Variants in RRAGB observed in about 807,000 individuals in gnomAD.
The protein encoded by RRAGB is Ras related GTP binding B.
RRAGB carries 6 observed loss-of-function variants against 29.3 expected under a neutral mutation model. The observed-to-expected ratio is 0.21, with a 90% CI of 0.11 to 0.40. The LOEUF (loss-of-function observed/expected upper bound fraction) is 0.40. Among genes scored for constraint, RRAGB ranks in the 10% least tolerant of loss-of-function variants. RRAGB has a pLI of 1.00. For synonymous variants in RRAGB, 101 were observed against 92.5 expected (o/e 1.09, Z -0.53); for missense variants, 184 against 272.9 (o/e 0.67, Z 2.29).
chrX:55,744,062 C>G (rs1343928530), intron 5 of RRAGB, among the ~76,000 whole-genome samples: 1 of 110,231 alleles, frequency 9.1e-6, no homozygotes, highest in Non-Finnish European at 1.9e-5. Flanking sequence ...GTGGGAAACT[C>G]CCCATAAGGC....
At chrX:55,719,828 T>C (rs1389061726) in intron 2 of RRAGB, among the ~76,000 whole-genome samples, 3 of 112,466 alleles carry the variant, frequency 2.7e-5, no homozygotes, top group African/African-American at 9.7e-5. Context: ...ACACCTTCCT[T>C]TGTGCTCTCA....
intron 5 of RRAGB, among the ~76,000 whole-genome samples, chrX:55,741,349 G>A (rs1389174583): frequency 2.7e-5 from 3 of 111,534 alleles, no homozygotes; most frequent in Non-Finnish European, 5.6e-5. Context: ...ACTGCTTTAC[G>A]ACCCATTTTG....
At chrX:55,756,930 G>C (rs1452433903) in intron 8 of RRAGB, among the ~76,000 whole-genome samples, 1 of 111,527 alleles carries the variant, frequency 9.0e-6, no homozygotes, top group African/African-American at 3.3e-5. Context: ...ACTCCAGCCT[G>C]GGTGACAGAG....
intron 5 of RRAGB, among the ~76,000 whole-genome samples, chrX:55,746,677 C>G (rs1308428500): frequency 8.9e-6 from 1 of 112,111 alleles, no homozygotes; most frequent in Non-Finnish European, 1.9e-5. Flanking sequence ...ATTACAATGT[C>G]CCTAAAGCCT....
intron 5 of RRAGB, among the ~76,000 whole-genome samples, chrX:55,749,262 G>A (rs2034418498): frequency 1.1e-5 from 1 of 93,368 alleles, no homozygotes; most frequent in Non-Finnish European, 2.2e-5. Flanking sequence ...CGCCCCTACT[G>A]GGAAGTGAGG....
Position 55,758,391 on chromosome X carries a change from A to G in RRAGB, c.*48A>G. The G allele has an allele frequency of 1.1e-6, 1 of 887,205 alleles. No individual in the cohort carries two copies. The highest frequency in any genetic ancestry group is 1.6e-6 in the Non-Finnish European group (1 of 619,129). 73.1% of individuals were successfully genotyped at this position (887,205 alleles called of 1,213,427 possible). On this transcript the variant is annotated 3_prime_UTR_variant, in exon 10 of 10. Transcript: ENST00000374941. ...ACAAAAATTAAAAGTTTCCTAATTA[A>G]TGTTGTATTCATATATGTAGGCTCT...
rs774847577 is a variant in RRAGB, at chrX:55,750,048, T to TA, written c.517-1023dup. On this transcript the variant is annotated intron_variant, in intron 5 of 9. Transcript: ENST00000374941. Reference sequence around the variant, plus strand: ...CGAGAAACACCCAAGAATGATCAATTAAAAAAAAAAAAAAAAAAAAAAAAA... The same window carrying TA: ...CGAGAAACACCCAAGAATGATCAATTAAAAAAAAAAAAAAAAAAAAAAAAAA... 7.7e-3 allele frequency among the ~76,000 whole-genome samples: 129 copies of TA among 16,770 alleles called. 10 individuals are homozygous for TA. The highest frequency in any genetic ancestry group is 0.018 in the African/African-American group (70 of 3,958). The allele number at this position is 16,770 out of a possible 115,157, so 14.6% of individuals were successfully genotyped here. A position where few individuals can be genotyped will look rare whatever the true frequency, so the allele number is the denominator to read the frequency against.
intron 5 of RRAGB, among the ~76,000 whole-genome samples, chrX:55,737,855 G>T (rs772115155): frequency 8.9e-6 from 1 of 112,845 alleles, no homozygotes; most frequent in African/African-American, 3.2e-5. Context: ...TCTCACAATG[G>T]GTGCACATCC....
chrX:55,731,086 G>A (rs898639266), intron 4 of RRAGB, among the ~76,000 whole-genome samples: 1 of 111,364 alleles, frequency 9.0e-6, no homozygotes. Flanking sequence ...AAGGAGAGGG[G>A]CAGAGAAATG....
rs188919354 is a variant in RRAGB at position 55,748,528 on chromosome X, T to A, written c.517-2573T>A. ...AGCGCCTCTGCCCCGCCACCCCGTC[T>A]GGGATGTGAGGAGCGCCTCTGCTGG... On this transcript the variant is annotated intron_variant, in intron 5 of 9. Coordinates refer to ENST00000374941, the MANE Select transcript of RRAGB (RefSeq NM_006064.5). 7.8e-4 allele frequency among the ~76,000 whole-genome samples: 87 copies of A among 110,963 alleles called. 1 individual carries two copies. In the East Asian group the frequency reaches 0.02, roughly 26 times the overall value.
At chrX:55,734,364 A>G (rs1158147371) in intron 5 of RRAGB, among the ~76,000 whole-genome samples, 7 of 107,590 alleles carry the variant, frequency 6.5e-5, no homozygotes, top group African/African-American at 2.4e-4. Flanking sequence ...GTGGTTGTAT[A>G]TTTCCAAGAA....
chrX:55,719,172 A>C, intron 1 of RRAGB, 142 bp from the exon 2 acceptor site: 1 of 475,403 alleles, frequency 2.1e-6, no homozygotes, highest in Non-Finnish European at 3.5e-6. Flanking sequence ...ACCTCTATTC[A>C]TCTGAGGTCC....
At chrX:55,741,218 A>T (rs752743639) in intron 5 of RRAGB, among the ~76,000 whole-genome samples, 2 of 110,985 alleles carry the variant, frequency 1.8e-5, no homozygotes, top group Admixed American at 1.9e-4. Flanking sequence ...ATGGCTAGCC[A>T]CTATGCTCTT....
intron 5 of RRAGB, among the ~76,000 whole-genome samples, chrX:55,749,592 A>G (rs1011182957): frequency 5.4e-5 from 6 of 111,080 alleles, no homozygotes; most frequent in African/African-American, 1.9e-4. Context: ...TGGAATAGAA[A>G]GGGGTGAAAG....
intron 5 of RRAGB, among the ~76,000 whole-genome samples, chrX:55,733,764 C>T (rs2033765326): frequency 9.0e-6 from 1 of 111,243 alleles, no homozygotes; most frequent in Admixed American, 9.5e-5. Flanking sequence ...TTGTAGCTTT[C>T]TTTTTTTATG....
At chrX:55,754,339 T>C (rs2033459600) in intron 7 of RRAGB, among the ~76,000 whole-genome samples, 1 of 112,991 alleles carries the variant, frequency 8.9e-6, no homozygotes, top group South Asian at 3.6e-4. Context: ...CTATTGTTTG[T>C]ATAACCCTGA....
At chrX:55,753,653 A>G (rs1469932492) in intron 7 of RRAGB, 139 bp downstream of exon 7, 3 of 563,467 alleles carry the variant, frequency 5.3e-6, no homozygotes, top group East Asian at 7.3e-5. Context: ...TATTTATAAA[A>G]TAGTATTGTC....
In RRAGB at chrX:55,758,446, T is replaced by A. The variant is rs752783254; in HGVS notation, c.*103T>A. 1 of 495,079 alleles carries A rather than the reference T, an allele frequency of 2.0e-6. No individual in the cohort carries two copies. Among genetic ancestry groups the A allele is most frequent in the African/African-American group, 2.4e-5 (1 of 42,126 alleles). The allele number at this position is 495,079 out of a possible 1,213,427, so 40.8% of individuals were successfully genotyped here. Reference sequence around the variant, plus strand: ...TGTTGTGATGCTTATTGCTTCTGTATTTCTTCTCTACTCCCTAGTCTTAAT... The same window carrying A: ...TGTTGTGATGCTTATTGCTTCTGTAATTCTTCTCTACTCCCTAGTCTTAAT... On this transcript the variant is annotated 3_prime_UTR_variant, in exon 10 of 10. Transcript: ENST00000374941.
chrX:55,733,458 A>G (rs1480462480), intron 5 of RRAGB, among the ~76,000 whole-genome samples: 5 of 104,847 alleles, frequency 4.8e-5, no homozygotes, highest in Non-Finnish European at 9.8e-5. Flanking sequence ...GGCTCTTACT[A>G]TTTTGAGGTA....
Sources: allele counts gnomAD v4.1 joint callset (sites outside exome capture counted in the v4.1 genomes callset), GRCh38; gene constraint gnomAD v4.1.1; transcripts MANE v1.5; gene names NCBI Gene and HGNC (gene_info 2026-07-23, HGNC 2026-07-21).